OTUD4: variants seen among roughly 807,000 people sequenced by gnomAD.
OTUD4 encodes OTU domain-containing protein 4.
Under a neutral mutation model 130.4 loss-of-function variants are expected in OTUD4, and 24 were observed. The observed-to-expected ratio is 0.18, with a 90% confidence interval of 0.13 to 0.26. OTUD4 has a LOEUF of 0.26. Among genes scored for constraint, OTUD4 ranks in the 10% least tolerant of loss-of-function variants. The pLI is 1.00. For missense variants in OTUD4, 1,031 were observed against 1,329.4 expected, an observed-to-expected ratio of 0.78 and a Z score of 3.49; for synonymous variants, 420 against 472.5, an observed-to-expected ratio of 0.89 and a Z score of 1.44.
chr4:145,168,659 G>A lies in OTUD4; in HGVS notation c.294+3011C>T, dbSNP rs765815327. On this transcript the variant is annotated intron_variant, in intron 3 of 20. Transcript: ENST00000447906. The stretch of plus-strand genomic sequence containing the variant: ...AGAGAAATTCAAGTTAAATCACAAA[G>A]AGTGCTGGCAAATATGTGGAGAAAC... Among the ~76,000 whole-genome samples, 15 of 152,292 alleles carry A rather than the reference G, an allele frequency of 9.8e-5. No individual in the cohort carries two copies. In the South Asian group the frequency reaches 2.3e-3, roughly 23 times the overall value.
chr4:145,159,191 C>T (rs752434225), intron 7 of OTUD4: 16 of 1,073,936 alleles, frequency 1.5e-5, no homozygotes, highest in Non-Finnish European at 1.8e-5. Flanking sequence ...GAACAATTGA[C>T]AAGTTAACTT....
At chr4:145,149,750 T>A (rs1241045151) in intron 13 of OTUD4, 1 of 152,186 alleles carries the variant, frequency 6.6e-6, no homozygotes, top group Non-Finnish European at 1.5e-5. Context: ...AGCAAACACA[T>A]AAGCTGATGC....
chr4:145,138,265 A>T lies in OTUD4; in HGVS notation c.2510T>A (p.Phe837Tyr). 6.2e-7 allele frequency: 1 copy of T among 1,613,966 alleles called. No individual in the cohort carries two copies. Among genetic ancestry groups the T allele is most frequent in the Non-Finnish European group, 8.5e-7 (1 of 1,179,870 alleles). ...ATTGGGTCCAAAAGATGGCTGGGGG[A>T]ACATATTCTTGCCACTTAGTGACTC... The part of the protein sequence containing the change: ...YEESLSGKNM[F>Y]PQPSFGPNPF... The change falls in exon 21 of 21, where the codon TTC becomes TAC. Residue 837 changes from phenylalanine (F) to tyrosine (Y), a missense_variant. Coordinates refer to ENST00000447906, the MANE Select transcript of OTUD4 (RefSeq NM_001366057.1).
In OTUD4 at chr4:145,179,800, C is replaced by T. The variant is rs1050058486; in HGVS notation, c.159+15G>A. The T allele has an allele frequency of 1.9e-5, 28 of 1,501,218 alleles. No homozygotes were observed. The highest frequency in any genetic ancestry group is 2.4e-5 in the Non-Finnish European group (27 of 1,125,924). 93.0% of individuals were successfully genotyped at this position (1,501,218 alleles called of 1,614,324 possible). A position where few individuals can be genotyped will look rare whatever the true frequency, so the allele number is the denominator to read the frequency against. Reference sequence around the variant, plus strand: ...CCGCCTCCCCTCGAAGCCCTCCCCGCCCCCCCGCAATTACCTGCTCCGCCA... The same window carrying T: ...CCGCCTCCCCTCGAAGCCCTCCCCGTCCCCCCGCAATTACCTGCTCCGCCA... On this transcript the variant is annotated intron_variant, in intron 1 of 20. Transcript: ENST00000447906.
intron 3 of OTUD4, among the ~76,000 whole-genome samples, chr4:145,170,335 C>G (rs1000333193): frequency 1.3e-5 from 2 of 152,234 alleles, no homozygotes; most frequent in Non-Finnish European, 2.9e-5. Context: ...TTTCTCACCA[C>G]TTCTTATCTT....
rs1291036995 is a variant in OTUD4 at position 145,135,105 on chromosome 4, AC to A, written c.*2324del. The A allele has an allele frequency of 2.8e-6, 1 of 357,694 alleles. No homozygotes were observed. The highest frequency in any genetic ancestry group is 5.0e-6 in the Non-Finnish European group (1 of 201,316). 22.2% of individuals were successfully genotyped at this position (357,694 alleles called of 1,614,324 possible). On this transcript the variant is annotated 3_prime_UTR_variant, in exon 21 of 21. Transcript: ENST00000447906. ...ACTTAAAGGAAAAAAAGCGAAACCA[AC>A]CTTCATGCAAAGATTAATTTTAAAA... is the stretch of plus-strand genomic sequence containing the variant.
Position 145,174,753 on chromosome 4 carries a change from A to G in OTUD4, c.160-9T>C. On this transcript the variant is annotated splice_polypyrimidine_tract_variant and intron_variant, in intron 1 of 20. Transcript: ENST00000447906. ...GACTGAGAGTGCAATACCTAAAAAG[A>G]AAAGGCAACAAACACACTATTAAGC... 1.3e-6 allele frequency: 2 copies of G among 1,534,482 alleles called. No homozygotes were observed. Among genetic ancestry groups the G allele is most frequent in the East Asian group, 4.5e-5 (2 of 44,462 alleles).
intron 20 of OTUD4, among the ~76,000 whole-genome samples, chr4:145,139,050 G>A (rs1750432014): frequency 6.6e-6 from 1 of 152,118 alleles, no homozygotes; most frequent in Non-Finnish European, 1.5e-5. Flanking sequence ...CCAATGTCAG[G>A]ACTCTGCAAT....
In OTUD4 at chr4:145,152,541, T is replaced by A; in HGVS notation, c.968A>T (p.Lys323Met). 1.9e-6 allele frequency: 3 copies of A among 1,552,568 alleles called. No homozygotes were observed. The South Asian group carries it at 3.4e-5, about 17-fold the overall frequency. Residue 323 changes from lysine to methionine, a missense_variant and splice_region_variant, in exon 11 of 21, where the codon AAG becomes ATG. Lys to Met is a moderately conservative substitution (Grantham distance 95). This residue lies in a region of OTUD4 where 900 missense variants were observed against 1,095.9 expected (regional missense o/e 0.82). Coordinates refer to ENST00000447906, the MANE Select transcript of OTUD4 (RefSeq NM_001366057.1). ...GCCTTAGCTGAAGAGTAGTACATAC[T>A]TCTTTCCCAGTTCTTCAACCAAAAC... ...GPVLVEELGK[K>M]HTSKNLKAPP...
Position 145,135,586 on chromosome 4 carries a change from C to T in OTUD4, c.*1844G>A, listed in dbSNP as rs1166526500. 6.6e-6 allele frequency: 1 copy of T among 152,498 alleles called. No homozygotes were observed. The highest frequency in any genetic ancestry group is 2.4e-5 in the African/African-American group (1 of 41,446). The allele number at this position is 152,498 out of a possible 1,614,324, so 9.4% of individuals were successfully genotyped here. On this transcript the variant is annotated 3_prime_UTR_variant, in exon 21 of 21. Coordinates refer to ENST00000447906, the MANE Select transcript of OTUD4 (RefSeq NM_001366057.1). ...GCCACCGATGTTAAGAAAAAAATGG[C>T]TTAAGCGGTACCTTCAACAACTATT...
intron 3 of OTUD4, among the ~76,000 whole-genome samples, chr4:145,168,413 TA>T (rs11432018): frequency 3.3e-5 from 4 of 122,864 alleles, no homozygotes; most frequent in South Asian, 2.7e-4. Flanking sequence ...AATAAAAAAT[TA>T]AAAAAAAAAA....
chr4:145,146,102 TA>T (rs1750809615), intron 14 of OTUD4, 164 bp downstream of exon 14: 5 of 434,134 alleles, frequency 1.2e-5, no homozygotes, highest in African/African-American at 4.1e-5. Flanking sequence ...GAGATATTAC[TA>T]AATATGTGAA....
At chr4:145,178,885 G>T (rs1283086757) in intron 1 of OTUD4, among the ~76,000 whole-genome samples, 1 of 152,178 alleles carries the variant, frequency 6.6e-6, no homozygotes, top group Non-Finnish European at 1.5e-5. Flanking sequence ...AGGGAGGGGT[G>T]TGCAATGGGG....
intron 19 of OTUD4, among the ~76,000 whole-genome samples, chr4:145,140,904 A>G (rs1416613408): frequency 1.3e-5 from 2 of 152,062 alleles, no homozygotes; most frequent in Admixed American, 1.3e-4. Flanking sequence ...GGTGGCTCAC[A>G]CCTGTAAACC....
intron 10 of OTUD4, among the ~76,000 whole-genome samples, chr4:145,153,915 TAG>T (rs1751169873): frequency 6.6e-6 from 1 of 152,204 alleles, no homozygotes; most frequent in South Asian, 2.1e-4. Context: ...CAAATCACCT[TAG>T]AGTCATCTCA....
At chr4:145,141,327 T>G in intron 19 of OTUD4, 52 bp downstream of exon 19, 1 of 1,491,238 alleles carries the variant, frequency 6.7e-7, no homozygotes. Flanking sequence ...ATTTCTTAAC[T>G]AAGCTTATTT....
chr4:145,150,715 A>C lies in OTUD4; in HGVS notation c.1073-16T>G, dbSNP rs201207526. On this transcript the variant is annotated splice_polypyrimidine_tract_variant and intron_variant, in intron 12 of 20. Transcript: ENST00000447906. Reference sequence around the variant, plus strand: ...TAATCCACATCTGTTGTAAGAACCCAAAAGTACATGATAATATTCATATTA... The same window carrying C: ...TAATCCACATCTGTTGTAAGAACCCCAAAGTACATGATAATATTCATATTA... 5 of 1,606,826 alleles carry C rather than the reference A, an allele frequency of 3.1e-6. No individual in the cohort carries two copies. Among genetic ancestry groups the C allele is most frequent in the Admixed American group, 1.7e-5 (1 of 59,828 alleles).
chr4:145,177,707 G>T (rs934143394), intron 1 of OTUD4, among the ~76,000 whole-genome samples: 1 of 152,294 alleles, frequency 6.6e-6, no homozygotes, highest in East Asian at 1.9e-4. Flanking sequence ...GCCCAAATCC[G>T]TAAGTGTAAA....
At chr4:145,148,875 C>A (rs373944179) in intron 13 of OTUD4, among the ~76,000 whole-genome samples, 1 of 152,066 alleles carries the variant, frequency 6.6e-6, no homozygotes, top group African/African-American at 2.4e-5. Flanking sequence ...AGTAAGCTAC[C>A]ACCAGGGGCT....
Sources: allele counts gnomAD v4.1 joint callset (sites outside exome capture counted in the v4.1 genomes callset), GRCh38; gene constraint gnomAD v4.1.1; regional missense constraint gnomAD v4.1.1; transcripts MANE v1.5; gene names NCBI Gene and HGNC (gene_info 2026-07-23, HGNC 2026-07-21).